Variants in CDH18 observed in about 807,000 individuals in gnomAD.
CDH18 encodes the protein cadherin 18.
CDH18 carries 31 observed loss-of-function variants against 67.9 expected under a neutral mutation model. The observed-to-expected ratio is 0.46, with a 90% CI of 0.34 to 0.62. The LOEUF is 0.62. Among genes scored for constraint, CDH18 ranks in the 20% least tolerant of loss-of-function variants. The pLI, the probability that CDH18 is intolerant of heterozygous loss-of-function variation, is 0.01. For missense variants in CDH18, 890 were observed against 975.5 expected, an observed-to-expected ratio of 0.91 and a Z score of 1.17; for synonymous variants, 362 against 347.2, an observed-to-expected ratio of 1.04 and a Z score of -0.48.
At chr5:19,709,565 C>CA (rs1249581274) in intron 5 of CDH18, among the ~76,000 whole-genome samples, 3 of 141,890 alleles carry the variant, frequency 2.1e-5, no homozygotes, top group Admixed American at 1.5e-4. Context: ...GAAACTCTTT[C>CA]AAAAAACAAC....
At chr5:20,113,572 T>C (rs778845322) in intron 2 of CDH18, among the ~76,000 whole-genome samples, 2 of 152,222 alleles carry the variant, frequency 1.3e-5, no homozygotes, top group Non-Finnish European at 2.9e-5. Flanking sequence ...GGTTTGCTTA[T>C]GTAATTCTTT....
At chr5:20,114,956 A>T (rs143309658) in intron 2 of CDH18, among the ~76,000 whole-genome samples, 22 of 152,290 alleles carry the variant, frequency 1.4e-4, no homozygotes, top group African/African-American at 5.3e-4. Flanking sequence ...GTAGGTCTCT[A>T]GGATAAGAAG....
intron 1 of CDH18, among the ~76,000 whole-genome samples, chr5:20,268,900 T>G (rs1337212212): frequency 6.6e-6 from 1 of 152,110 alleles, no homozygotes; most frequent in Non-Finnish European, 1.5e-5. Context: ...AAAATGCTTC[T>G]GCGCAACAAA....
intron 2 of CDH18, among the ~76,000 whole-genome samples, chr5:20,023,452 G>A (rs1738600035): frequency 6.6e-6 from 1 of 152,060 alleles, no homozygotes; most frequent in Admixed American, 6.6e-5. Context: ...CAGGTCAGGA[G>A]ATCGAGACCA....
At chr5:19,727,410 G>C (rs1028547883) in intron 4 of CDH18, among the ~76,000 whole-genome samples, 6 of 152,152 alleles carry the variant, frequency 3.9e-5, no homozygotes, top group Admixed American at 1.3e-4. Context: ...GTAAATATCA[G>C]GGCGATGTGG....
chr5:20,228,307 A>T (rs1741797206), intron 2 of CDH18, among the ~76,000 whole-genome samples: 1 of 152,064 alleles, frequency 6.6e-6, no homozygotes, highest in Non-Finnish European at 1.5e-5. Flanking sequence ...GGTGGGTTTA[A>T]TAGTTTCATT....
chr5:20,206,102 C>A (rs1056613778), intron 2 of CDH18, among the ~76,000 whole-genome samples: 1 of 151,600 alleles, frequency 6.6e-6, no homozygotes, highest in Non-Finnish European at 1.5e-5. Context: ...TTCAGCTAGA[C>A]AAACTTTAAA....
At chr5:19,615,808 C>A (rs985470876) in intron 5 of CDH18, among the ~76,000 whole-genome samples, 1 of 152,116 alleles carries the variant, frequency 6.6e-6, no homozygotes, top group African/African-American at 2.4e-5. Flanking sequence ...AGATTGATTT[C>A]TTTTACTTAG....
Position 19,838,688 on chromosome 5 carries a change from C to A in CDH18, c.228+71G>T, listed in dbSNP as rs573088397. ...CATTTGTCTATCTCTTCAAATATTT[C>A]TCCAACATGAGCTCATCTTACCCCA... On this transcript the variant is annotated intron_variant, in intron 3 of 12. Transcript: ENST00000382275. 8.3e-5 allele frequency: 83 copies of A among 999,100 alleles called. No homozygotes were observed. The South Asian group carries it at 1.1e-3, about 13-fold the overall frequency. 61.9% of individuals were successfully genotyped at this position (999,100 alleles called of 1,614,324 possible).
intron 7 of CDH18, among the ~76,000 whole-genome samples, chr5:19,579,442 G>A (rs1294322571): frequency 1.3e-5 from 2 of 151,218 alleles, no homozygotes; most frequent in African/African-American, 2.4e-5. Flanking sequence ...GTTTCCTTGA[G>A]TGAAGTTCTA....
intron 1 of CDH18, among the ~76,000 whole-genome samples, chr5:20,291,246 G>C (rs1212410227): frequency 2.0e-5 from 3 of 152,060 alleles, no homozygotes; most frequent in Non-Finnish European, 4.4e-5. Context: ...ATTCAATTGA[G>C]ATCTATTAGC....
At chr5:20,440,650 A>G (rs1749538830) in intron 1 of CDH18, among the ~76,000 whole-genome samples, 1 of 151,964 alleles carries the variant, frequency 6.6e-6, no homozygotes, top group East Asian at 1.9e-4. Context: ...GTTGATAGCT[A>G]TTTATCTCCA....
At chr5:19,829,044 AAATT>A (rs1176568681) in intron 3 of CDH18, among the ~76,000 whole-genome samples, 2 of 152,032 alleles carry the variant, frequency 1.3e-5, no homozygotes, top group Non-Finnish European at 2.9e-5. Context: ...TCTCAAAAAT[AAATT>A]AATTAATTAA....
chr5:20,498,620 T>C (rs1754053360), intron 1 of CDH18, among the ~76,000 whole-genome samples: 1 of 152,128 alleles, frequency 6.6e-6, no homozygotes, highest in Non-Finnish European at 1.5e-5. Context: ...ATAAATATAA[T>C]GTTAAAATAA....
chr5:19,683,854 CCT>C (rs34738133), intron 5 of CDH18, among the ~76,000 whole-genome samples: 1,844 of 152,162 alleles, frequency 0.012, 39 homozygotes, highest in African/African-American at 0.041. Context: ...ACACGTGTCC[CCT>C]GTTTCACTGT....
chr5:19,976,374 C>T (rs1798502544), intron 2 of CDH18, among the ~76,000 whole-genome samples: 1 of 152,084 alleles, frequency 6.6e-6, no homozygotes, highest in Non-Finnish European at 1.5e-5. Context: ...TATCTACACA[C>T]ACACACAAAC....
At chr5:19,797,289 C>G (rs1449804397) in intron 3 of CDH18, among the ~76,000 whole-genome samples, 1 of 151,798 alleles carries the variant, frequency 6.6e-6, no homozygotes, top group South Asian at 2.1e-4. Context: ...AACATGTCTG[C>G]TCTAGTAACT....
At chr5:19,731,627 T>C (rs1055348042) in intron 4 of CDH18, among the ~76,000 whole-genome samples, 1 of 152,218 alleles carries the variant, frequency 6.6e-6, no homozygotes, top group African/African-American at 2.4e-5. Flanking sequence ...CTCAGCATAT[T>C]AGAACCTGAC....
chr5:19,693,928 G>A (rs80055995), intron 5 of CDH18, among the ~76,000 whole-genome samples: 1,732 of 150,332 alleles, frequency 0.012, 33 homozygotes, highest in African/African-American at 0.041. Flanking sequence ...ATGACAGGAG[G>A]CCTCTAGATA....
Sources: gnomAD v4.1 joint callset for allele counts (sites outside exome capture counted in the v4.1 genomes callset) on GRCh38, gnomAD v4.1.1 for gene constraint, MANE v1.5 for transcripts, NCBI Gene and HGNC (gene_info 2026-07-23, HGNC 2026-07-21) for gene names.